Variants in MAEA observed in about 807,000 individuals in gnomAD.
MAEA encodes E3 ubiquitin-protein transferase MAEA.
Under a neutral mutation model 46.2 loss-of-function variants are expected in MAEA, and 22 were observed. The ratio of observed to expected loss-of-function variants is 0.48; its 90% CI spans 0.34 to 0.68. MAEA has a LOEUF of 0.68. Ranked by LOEUF, MAEA falls within the 30% of genes least tolerant of loss-of-function variation. The pLI, the probability that MAEA is intolerant of heterozygous loss-of-function variation, is 0.01. For synonymous variants in MAEA, 246 were observed against 222.6 expected (o/e 1.11, Z -0.94); for missense variants, 393 against 558.1 (o/e 0.70, Z 2.98).
intron 5 of MAEA, 151 bp downstream of exon 5, chr4:1,327,854 C>T (rs1237326410): frequency 3.1e-6 from 2 of 638,430 alleles, no homozygotes; most frequent in Admixed American, 2.7e-5. Context: ...CAGGTGGCTG[C>T]TTCTCCCACT....
At chr4:1,334,751 G>C (rs923192274) in intron 6 of MAEA, 10 of 451,776 alleles carry the variant, frequency 2.2e-5, no homozygotes, top group African/African-American at 2.1e-4. Context: ...AGAAACAGAA[G>C]GAAGCATTTT....
At chr4:1,329,603 TG>T in intron 5 of MAEA, 1 of 985,388 alleles carries the variant, frequency 1.0e-6, no homozygotes, top group South Asian at 4.7e-5. Flanking sequence ...GGGGCCGTCT[TG>T]GGAGTGGTTC....
At chr4:1,304,690 C>T (rs1171641056) in intron 1 of MAEA, among the ~76,000 whole-genome samples, 3 of 152,142 alleles carry the variant, frequency 2.0e-5, no homozygotes, top group South Asian at 2.1e-4. Flanking sequence ...CCACCCACCT[C>T]GGCCTCCCAA....
At chr4:1,325,730 GC>G (rs1437681778) in intron 4 of MAEA, among the ~76,000 whole-genome samples, 3 of 151,968 alleles carry the variant, frequency 2.0e-5, no homozygotes, top group Non-Finnish European at 2.9e-5. Context: ...TTCCTCTCCT[GC>G]CAGGCTGGCT....
intron 3 of MAEA, among the ~76,000 whole-genome samples, chr4:1,316,933 C>A (rs1371168898): frequency 2.0e-5 from 3 of 151,096 alleles, no homozygotes; most frequent in African/African-American, 7.3e-5. Context: ...CCCAGGCCCA[C>A]CCGGCCCCAC....
intron 7 of MAEA, 34 bp from the exon 8 acceptor site, chr4:1,338,388 G>A: frequency 6.3e-7 from 1 of 1,580,370 alleles, no homozygotes; most frequent in Non-Finnish European, 8.7e-7. Flanking sequence ...GCTGCCCTGA[G>A]TGGCCCCCAA....
intron 3 of MAEA, 22 bp from the exon 4 acceptor site, chr4:1,322,359 G>A (rs778654543): frequency 6.2e-7 from 1 of 1,613,158 alleles, no homozygotes; most frequent in Middle Eastern, 1.7e-4. Flanking sequence ...ATTCTGATCA[G>A]GTGCTGCTTC....
chr4:1,326,606 C>T (rs1334507710), intron 4 of MAEA, among the ~76,000 whole-genome samples: 1 of 152,108 alleles, frequency 6.6e-6, no homozygotes, highest in Non-Finnish European at 1.5e-5. Context: ...GGGACTTGGT[C>T]CTGCAGGAGC....
chr4:1,313,663 G>C (rs1430204439), intron 2 of MAEA, among the ~76,000 whole-genome samples: 1 of 151,852 alleles, frequency 6.6e-6, no homozygotes, highest in African/African-American at 2.4e-5. Flanking sequence ...GGAGGTCAAG[G>C]CTGCAGTGAG....
At chr4:1,308,466 C>T (rs1736045841) in intron 1 of MAEA, among the ~76,000 whole-genome samples, 2 of 152,230 alleles carry the variant, frequency 1.3e-5, no homozygotes, top group South Asian at 4.1e-4. Context: ...CTACTGGGGA[C>T]TCAGGAGCCT....
chr4:1,320,113 A>G (rs11735709), intron 3 of MAEA, among the ~76,000 whole-genome samples: 3 of 151,286 alleles, frequency 2.0e-5, no homozygotes, highest in Admixed American at 6.6e-5. Context: ...AACATGCAAG[A>G]AAACGCTATG....
intron 8 of MAEA, 71 bp downstream of exon 8, chr4:1,338,688 A>G: frequency 8.1e-7 from 1 of 1,235,500 alleles, no homozygotes; most frequent in Non-Finnish European, 1.1e-6. Flanking sequence ...TGGGACGGGC[A>G]GGGCAGGGGG....
In MAEA at chr4:1,312,075, A is replaced by G. The variant is rs1267092300; in HGVS notation, c.166A>G (p.Lys56Glu). 6.2e-7 allele frequency: 1 copy of G among 1,613,866 alleles called. No individual in the cohort carries two copies. The highest frequency in any genetic ancestry group is 1.7e-5 in the Admixed American group (1 of 60,018). ...HVTMVVAELE[K>E]TLSGCPAVDS... ...CACCATGGTGGTGGCCGAGCTGGAG[A>G]AGACGTTGAGCGGCTGCCCCGCCGT... The change falls in exon 2 of 9, where the codon AAG becomes GAG. Residue 56 changes from lysine (K) to glutamate (E), a missense_variant. By Grantham distance (56) the Lys-to-Glu change is moderately conservative. Coordinates refer to ENST00000303400, the MANE Select transcript of MAEA (RefSeq NM_001017405.3).
intron 5 of MAEA, among the ~76,000 whole-genome samples, chr4:1,328,367 A>C (rs949582199): frequency 6.6e-6 from 1 of 152,236 alleles, no homozygotes; most frequent in Admixed American, 6.5e-5. Context: ...GTCAGGCAGC[A>C]GTGGTCCCTG....
chr4:1,313,412 G>C (rs913376491), intron 2 of MAEA, among the ~76,000 whole-genome samples: 1 of 152,168 alleles, frequency 6.6e-6, no homozygotes, highest in Non-Finnish European at 1.5e-5. Context: ...GGGGCTGCCA[G>C]GTGCCACACC....
At chr4:1,303,959 G>A (rs1434147769) in intron 1 of MAEA, among the ~76,000 whole-genome samples, 2 of 150,294 alleles carry the variant, frequency 1.3e-5, no homozygotes, top group Non-Finnish European at 3.0e-5. Flanking sequence ...GGTCGGGCAG[G>A]GCAGGGGGCG....
At chr4:1,297,454 C>CGTGTGT (rs368069067) in intron 1 of MAEA, among the ~76,000 whole-genome samples, 12,085 of 150,574 alleles carry the variant, frequency 0.08, 1,119 homozygotes, top group East Asian at 0.41. Flanking sequence ...TGAAAAAGTA[C>CGTGTGT]GTGCGTATGT....
At chr4:1,331,181 G>C (rs1200146872) in intron 5 of MAEA, 3 of 151,036 alleles carry the variant, frequency 2.0e-5, no homozygotes, top group Non-Finnish European at 4.4e-5. Flanking sequence ...CTCCAAGGAG[G>C]GGGATGCATG....
intron 1 of MAEA, among the ~76,000 whole-genome samples, chr4:1,307,523 T>C (rs1240691309): frequency 6.6e-6 from 1 of 152,272 alleles, no homozygotes; most frequent in Middle Eastern, 3.2e-3. Flanking sequence ...ACTGTTCCAC[T>C]GTGTATTGTG....
Sources: gnomAD v4.1 joint callset for allele counts (sites outside exome capture counted in the v4.1 genomes callset) on GRCh38, gnomAD v4.1.1 for gene constraint, MANE v1.5 for transcripts, NCBI Gene and HGNC (gene_info 2026-07-23, HGNC 2026-07-21) for gene names.